Variants in FBXO11 observed in about 807,000 individuals in gnomAD.
The protein encoded by FBXO11 is F-box protein 11, also known as F-box only protein 11.
Under a neutral mutation model 117.0 loss-of-function variants are expected in FBXO11, and 13 were observed. The ratio of observed to expected loss-of-function variants is 0.11; its 90% CI spans 0.07 to 0.18. The LOEUF (loss-of-function observed/expected upper bound fraction) is 0.18, where lower values mean the gene tolerates loss of function less well. Ranked by LOEUF, FBXO11 falls within the 10% of genes least tolerant of loss-of-function variation. The pLI is 1.00. For synonymous variants in FBXO11, 490 were observed against 380.5 expected, an observed-to-expected ratio of 1.29 and a Z score of -3.35; for missense variants, 767 against 1,164.4, an observed-to-expected ratio of 0.66 and a Z score of 4.97.
chr2:47,816,888 T>G (rs1363949631), intron 16 of FBXO11, among the ~76,000 whole-genome samples: 2 of 152,316 alleles, frequency 1.3e-5, no homozygotes, highest in Middle Eastern at 3.4e-3. Context: ...AGATTTAGCA[T>G]AATTCTTAAG....
At chr2:47,859,817 T>G (rs1037909167) in intron 1 of FBXO11, among the ~76,000 whole-genome samples, 11 of 152,206 alleles carry the variant, frequency 7.2e-5, no homozygotes, top group African/African-American at 2.7e-4. Context: ...AAGATAATCA[T>G]TAGGATCATG....
chr2:47,895,047 G>C (rs759795216), intron 1 of FBXO11, among the ~76,000 whole-genome samples: 1 of 152,020 alleles, frequency 6.6e-6, no homozygotes, highest in African/African-American at 2.4e-5. Context: ...CCTTAAAGCT[G>C]TTTTAGTTTC....
chr2:47,858,791 T>C (rs1243625264), intron 1 of FBXO11, among the ~76,000 whole-genome samples: 2 of 151,034 alleles, frequency 1.3e-5, no homozygotes, highest in African/African-American at 4.9e-5. Flanking sequence ...ATGCCTGTAA[T>C]GCCAGCACCT....
At chr2:47,835,754 T>C in intron 5 of FBXO11, 118 bp downstream of exon 5, 1 of 669,912 alleles carries the variant, frequency 1.5e-6, no homozygotes, top group East Asian at 3.7e-5. Flanking sequence ...TACCTCGGCC[T>C]CCCAAGGTGC....
intron 4 of FBXO11, chr2:47,837,064 C>T (rs1424528216): frequency 8.4e-6 from 2 of 236,848 alleles, no homozygotes; most frequent in Non-Finnish European, 1.7e-5. Context: ...AGTAAAAATA[C>T]TTTGAACTTA....
chr2:47,852,414 C>T (rs1384063207), intron 1 of FBXO11, among the ~76,000 whole-genome samples: 1 of 152,158 alleles, frequency 6.6e-6, no homozygotes, highest in Non-Finnish European at 1.5e-5. Context: ...GGTACTGCAA[C>T]ATGATTTCTA....
chr2:47,822,190 G>T, intron 13 of FBXO11, 28 bp downstream of exon 13: 1 of 1,456,516 alleles, frequency 6.9e-7, no homozygotes, highest in Non-Finnish European at 9.5e-7. Context: ...AAATCTATAA[G>T]TTTTATAGAA....
At chr2:47,875,379 T>C (rs893864905) in intron 1 of FBXO11, among the ~76,000 whole-genome samples, 1 of 152,176 alleles carries the variant, frequency 6.6e-6, no homozygotes, top group African/African-American at 2.4e-5. Context: ...CTCCTAAATT[T>C]TTTTATACGT....
At chr2:47,900,844 G>A (rs528225866) in intron 1 of FBXO11, among the ~76,000 whole-genome samples, 1 of 86,182 alleles carries the variant, frequency 1.2e-5, no homozygotes, top group Non-Finnish European at 2.6e-5. Flanking sequence ...ATACACACAC[G>A]TGTATATATA....
intron 11 of FBXO11, among the ~76,000 whole-genome samples, chr2:47,828,785 T>C (rs1457558762): frequency 6.6e-6 from 1 of 152,204 alleles, no homozygotes; most frequent in Non-Finnish European, 1.5e-5. Flanking sequence ...TGCTGGGAAC[T>C]AACCAATGTT....
chr2:47,865,377 G>A (rs1037179014), intron 1 of FBXO11, among the ~76,000 whole-genome samples: 1 of 152,198 alleles, frequency 6.6e-6, no homozygotes, highest in African/African-American at 2.4e-5. Flanking sequence ...TCTGAGATAT[G>A]TTCTAAAAGA....
intron 1 of FBXO11, among the ~76,000 whole-genome samples, chr2:47,904,867 G>A (rs1218568875): frequency 6.6e-6 from 1 of 151,956 alleles, no homozygotes; most frequent in East Asian, 1.9e-4. Flanking sequence ...GACAAACTGC[G>A]CAGCAAACAC....
intron 1 of FBXO11, among the ~76,000 whole-genome samples, chr2:47,889,096 G>A (rs1677076392): frequency 6.6e-6 from 1 of 152,066 alleles, no homozygotes; most frequent in Non-Finnish European, 1.5e-5. Flanking sequence ...TTATAAGTTA[G>A]CAGTATTTTT....
chr2:47,877,563 G>C (rs1281825071), intron 1 of FBXO11, among the ~76,000 whole-genome samples: 2 of 152,062 alleles, frequency 1.3e-5, no homozygotes, highest in African/African-American at 4.8e-5. Flanking sequence ...TGTTTGGCAG[G>C]TTCATTGTAA....
At chr2:47,816,954 G>C (rs764972365) in intron 16 of FBXO11, among the ~76,000 whole-genome samples, 6 of 152,130 alleles carry the variant, frequency 3.9e-5, no homozygotes, top group Non-Finnish European at 8.8e-5. Flanking sequence ...AAAGTCATCA[G>C]CTTAACTAAC....
chr2:47,850,200 T>G (rs149256482), intron 1 of FBXO11, among the ~76,000 whole-genome samples: 1 of 152,312 alleles, frequency 6.6e-6, no homozygotes, highest in East Asian at 1.9e-4. Context: ...AAATTAATAC[T>G]GATTTGGGCA....
At chr2:47,837,591 T>A (rs568223887) in intron 4 of FBXO11, among the ~76,000 whole-genome samples, 1 of 152,222 alleles carries the variant, frequency 6.6e-6, no homozygotes, top group African/African-American at 2.4e-5. Context: ...GTAATACATA[T>A]AACCGTTGTA....
intron 4 of FBXO11, among the ~76,000 whole-genome samples, chr2:47,836,353 T>A (rs1307011126): frequency 6.6e-6 from 1 of 152,192 alleles, no homozygotes; most frequent in Non-Finnish European, 1.5e-5. Flanking sequence ...TGTAGTTGCA[T>A]ATGGAAATTA....
At chr2:47,840,255 T>C (rs1348367088) in intron 1 of FBXO11, among the ~76,000 whole-genome samples, 1 of 151,970 alleles carries the variant, frequency 6.6e-6, no homozygotes, top group South Asian at 2.1e-4. Flanking sequence ...GGAAGACTTT[T>C]TTTTAAAAAA....
Sources: gnomAD v4.1 joint callset for allele counts (sites outside exome capture counted in the v4.1 genomes callset) on GRCh38, gnomAD v4.1.1 for gene constraint, MANE v1.5 for transcripts, NCBI Gene and HGNC (gene_info 2026-07-23, HGNC 2026-07-21) for gene names.